Variants in TTC6 observed in about 807,000 individuals in gnomAD.
The protein encoded by TTC6 is tetratricopeptide repeat protein 6.
In TTC6, 172 loss-of-function variants were observed where a neutral mutation model predicts 210.4. The ratio of observed to expected loss-of-function variants is 0.82; its 90% CI spans 0.72 to 0.93. The LOEUF is 0.93. Ranked by LOEUF, TTC6 falls within the 40% of genes least tolerant of loss-of-function variation. The pLI is 0.00. For missense variants in TTC6, 2,414 were observed against 2,318.1 expected, an observed-to-expected ratio of 1.04 and a Z score of -0.85; for synonymous variants, 804 against 819.6, an observed-to-expected ratio of 0.98 and a Z score of 0.32.
intron 25 of TTC6, among the ~76,000 whole-genome samples, chr14:37,814,669 T>C (rs971664981): frequency 6.6e-6 from 1 of 152,026 alleles, no homozygotes; most frequent in Non-Finnish European, 1.5e-5. Context: ...GTGATATAGA[T>C]AGGTAACAAC....
intron 29 of TTC6, among the ~76,000 whole-genome samples, chr14:37,828,823 A>G (rs1474703702): frequency 6.6e-6 from 1 of 151,932 alleles, no homozygotes; most frequent in African/African-American, 2.4e-5. Flanking sequence ...ATTAGTTTAC[A>G]TTCATACTTT....
exon 8 of TTC6, chr14:37,735,994 G>A (rs2095900546): frequency 6.5e-7 from 1 of 1,529,710 alleles, no homozygotes; most frequent in South Asian, 1.2e-5. Flanking sequence ...CATCAACATA[G>A]CAGAACAAAT....
At chr14:37,824,602 C>T (rs1321978048) in intron 27 of TTC6, among the ~76,000 whole-genome samples, 1 of 152,108 alleles carries the variant, frequency 6.6e-6, no homozygotes, top group Non-Finnish European at 1.5e-5. Context: ...GTTTACTACC[C>T]AGTGGAGAGA....
chr14:37,740,656 G>A (rs756365271), intron 10 of TTC6, among the ~76,000 whole-genome samples: 35 of 152,156 alleles, frequency 2.3e-4, no homozygotes, highest in Non-Finnish European at 3.1e-4. Flanking sequence ...TTCAAGTCTC[G>A]TGTTCTCTGT....
At chr14:37,768,986 A>T (rs2096008776) in intron 14 of TTC6, among the ~76,000 whole-genome samples, 1 of 151,936 alleles carries the variant, frequency 6.6e-6, no homozygotes, top group Non-Finnish European at 1.5e-5. Context: ...ATCAATACCT[A>T]ATTTATTGAG....
chr14:37,792,204 G>C, intron 16 of TTC6, 60 bp from the exon 19 acceptor site: 1 of 1,272,740 alleles, frequency 7.9e-7, no homozygotes, highest in Non-Finnish European at 1.1e-6. Flanking sequence ...TTCCTAATTG[G>C]AGAACATTTG....
chr14:37,798,932 C>T (rs1371988799), intron 20 of TTC6, among the ~76,000 whole-genome samples: 1 of 152,072 alleles, frequency 6.6e-6, no homozygotes, highest in Non-Finnish European at 1.5e-5. Context: ...CTGGGTTAAA[C>T]CAACTTGATC....
chr14:37,669,886 C>T (rs1176492564), intron 1 of TTC6, among the ~76,000 whole-genome samples: 4 of 152,112 alleles, frequency 2.6e-5, no homozygotes, highest in Non-Finnish European at 4.4e-5. Flanking sequence ...TTATTAAATC[C>T]TCTGTGAGAT....
chr14:37,737,654 T>A lies in TTC6; in HGVS notation c.1909-6T>A. ...AATGTATATTTTTCATTTGATTATTTCACAGTGTTTCTTACCAAGAAAATC... is the reference window on the plus strand; with the variant it reads ...AATGTATATTTTTCATTTGATTATTACACAGTGTTTCTTACCAAGAAAATC... On this transcript the variant is annotated splice_region_variant and splice_polypyrimidine_tract_variant and intron_variant, in intron 8 of 30. Transcript: ENST00000553443. 3 of 1,497,800 alleles carry A rather than the reference T, an allele frequency of 2.0e-6. No individual in the cohort carries two copies. The highest frequency in any genetic ancestry group is 2.7e-6 in the Non-Finnish European group (3 of 1,118,772). The allele number at this position is 1,497,800 out of a possible 1,614,324, so 92.8% of individuals were successfully genotyped here.
chr14:37,701,329 C>T lies in TTC6; in HGVS notation c.1377-3C>T. The T allele has an allele frequency of 1.4e-6, 2 of 1,381,078 alleles. No homozygotes were observed. The highest frequency in any genetic ancestry group is 1.8e-5 in the South Asian group (1 of 56,980). The allele number at this position is 1,381,078 out of a possible 1,614,324, so 85.6% of individuals were successfully genotyped here. A position where few individuals can be genotyped will look rare whatever the true frequency, so the allele number is the denominator to read the frequency against. ...GGAGCTCACTTTCTTTTCTCTGTTGCAGAATTCCACAAGACTACTCCATGC... is the reference window on the plus strand; with the variant it reads ...GGAGCTCACTTTCTTTTCTCTGTTGTAGAATTCCACAAGACTACTCCATGC... On this transcript the variant is annotated splice_region_variant and splice_polypyrimidine_tract_variant and intron_variant, in intron 4 of 30. Transcript: ENST00000553443.
chr14:37,642,147 C>T (rs187605294), intron 1 of TTC6, among the ~76,000 whole-genome samples: 316 of 152,242 alleles, frequency 2.1e-3, no homozygotes, highest in Admixed American at 4.0e-3. Flanking sequence ...GTGGGAGGAC[C>T]ATTACACTTT....
At chr14:37,794,788 G>A (rs1313594226) in intron 17 of TTC6, among the ~76,000 whole-genome samples, 1 of 151,860 alleles carries the variant, frequency 6.6e-6, no homozygotes, top group Non-Finnish European at 1.5e-5. Flanking sequence ...GTCTCACTAT[G>A]TTGACCAGGC....
At chr14:37,693,382 G>A (rs576580203) in intron 3 of TTC6, among the ~76,000 whole-genome samples, 2 of 152,140 alleles carry the variant, frequency 1.3e-5, no homozygotes, top group African/African-American at 2.4e-5. Context: ...ACCAAAAAAT[G>A]GAAAGATATT....
intron 14 of TTC6, among the ~76,000 whole-genome samples, chr14:37,763,898 C>T (rs1189021056): frequency 1.3e-5 from 2 of 151,762 alleles, no homozygotes; most frequent in African/African-American, 2.4e-5. Context: ...AGTAACGTTA[C>T]TGGCTTGAGA....
chr14:37,724,373 T>C (rs1180568383), intron 6 of TTC6, among the ~76,000 whole-genome samples: 1 of 152,170 alleles, frequency 6.6e-6, no homozygotes, highest in Non-Finnish European at 1.5e-5. Context: ...ATATGATTCT[T>C]TCTAAAACTT....
chr14:37,796,264 C>A, intron 18 of TTC6, 30 bp from the exon 21 acceptor site: 2 of 996,774 alleles, frequency 2.0e-6, no homozygotes, highest in Non-Finnish European at 1.5e-6. Flanking sequence ...TTTTTAGCTG[C>A]TTAGAATCAA....
chr14:37,782,012 C>A (rs922233431), intron 14 of TTC6, among the ~76,000 whole-genome samples: 5 of 152,246 alleles, frequency 3.3e-5, no homozygotes, highest in Middle Eastern at 3.4e-3. Context: ...CAGTACCATG[C>A]TGTTTTGGTT....
chr14:37,809,796 T>C (rs2096126093), intron 24 of TTC6, among the ~76,000 whole-genome samples: 1 of 152,148 alleles, frequency 6.6e-6, no homozygotes, highest in South Asian at 2.1e-4. Flanking sequence ...ACCTACTCTC[T>C]TCTCTCCTGT....
intron 14 of TTC6, among the ~76,000 whole-genome samples, chr14:37,784,822 G>C (rs2096063869): frequency 6.6e-6 from 1 of 152,152 alleles, no homozygotes; most frequent in Admixed American, 6.5e-5. Context: ...GCCTGGTGGT[G>C]ACAAAATCTC....
Sources: gnomAD v4.1 joint callset for allele counts (sites outside exome capture counted in the v4.1 genomes callset) on GRCh38, gnomAD v4.1.1 for gene constraint, MANE v1.5 for transcripts, NCBI Gene and HGNC (gene_info 2026-07-23, HGNC 2026-07-21) for gene names.